The following DST variants were observed in gnomAD, a reference collection of about 807,000 sequenced individuals.
The protein encoded by DST is bullous pemphigoid antigen.
A neutral mutation model predicts 875.2 loss-of-function variants in DST; 253 were observed. That is an observed-to-expected ratio of 0.29 (90% confidence interval 0.26 to 0.32). The LOEUF is 0.32. DST is among the 10% of genes least tolerant of loss of function. The probability of loss-of-function intolerance (pLI) is 1.00; values close to 1 mark genes in which losing one functional copy is unlikely to be tolerated. For synonymous variants in DST, 3,124 were observed against 3,197.1 expected, an observed-to-expected ratio of 0.98 and a Z score of 0.77; for missense variants, 8,287 against 9,111.6, an observed-to-expected ratio of 0.91 and a Z score of 3.68.
intron 98 of DST, among the ~76,000 whole-genome samples, chr6:56,468,607 A>T (rs1314744487): frequency 6.6e-6 from 1 of 152,176 alleles, no homozygotes; most frequent in Non-Finnish European, 1.5e-5. Flanking sequence ...TGTCCTAAAC[A>T]GTTAAACACC....
At position 56,584,203 on chromosome 6, in the gene DST, T is replaced by C. The variant is rs578148750; in HGVS notation, c.12904-5266A>G. Among the ~76,000 whole-genome samples, 894 of 152,090 alleles carry C rather than the reference T, an allele frequency of 5.9e-3. 9 individuals carry two copies. The highest frequency in any genetic ancestry group is 0.021 in the African/African-American group (866 of 41,416). On this transcript the variant is annotated intron_variant, in intron 49 of 103. Coordinates refer to ENST00000680361, the MANE Select transcript of DST (RefSeq NM_001374736.1). ...TTGGGCAGTATGGCCATTTTCACGATATTGATTCTTCTTACCCATGAGCAT... is the reference window on the plus strand; with the variant it reads ...TTGGGCAGTATGGCCATTTTCACGACATTGATTCTTCTTACCCATGAGCAT...
intron 87 of DST, among the ~76,000 whole-genome samples, chr6:56,486,587 T>G (rs2095576683): frequency 1.3e-5 from 2 of 152,060 alleles, no homozygotes; most frequent in African/African-American, 4.8e-5. Flanking sequence ...GTCTTGGGTT[T>G]TCATGGAAAT....
chr6:56,606,694 T>G lies in DST; in HGVS notation c.7934A>C (p.Gln2645Pro), dbSNP rs1225682268. The stretch of plus-strand genomic sequence containing the variant: ...AGAAGCCGTCTCATCATTTTCCTCT[T>G]GCAGTGTGTCGTAGTCCTCAGGGTG... ...CLHPEDYDTL[Q>P]EENDETASPA... Residue 2645 changes from glutamine (Q) to proline (P), a missense_variant, in exon 40 of 104, where the codon CAA becomes CCA. By Grantham distance (76) the Gln-to-Pro change is moderately conservative (BLOSUM62 -1). Coordinates refer to ENST00000680361, the MANE Select transcript of DST (RefSeq NM_001374736.1). 6.2e-7 allele frequency: 1 copy of G among 1,613,604 alleles called. No individual in the cohort carries two copies. Among genetic ancestry groups the G allele is most frequent in the East Asian group, 2.2e-5 (1 of 44,876 alleles).
chr6:56,614,889 A>C (rs2098597339), intron 36 of DST: 9 of 992,942 alleles, frequency 9.1e-6, no homozygotes, highest in Non-Finnish European at 1.1e-5. Context: ...ACATGTAAGG[A>C]AAATACACAG....
chr6:56,905,087 C>T (rs1795790352), intron 2 of DST, among the ~76,000 whole-genome samples: 1 of 152,172 alleles, frequency 6.6e-6, no homozygotes, highest in African/African-American at 2.4e-5. Context: ...CATGCCCGGC[C>T]AATAAGAGTT....
At chr6:56,529,857 G>A (rs1308572384) in intron 65 of DST, 83 bp from the exon 66 acceptor site, 10 of 1,452,662 alleles carry the variant, frequency 6.9e-6, no homozygotes, top group Non-Finnish European at 9.2e-6. Context: ...ACTAAAGCAT[G>A]ACATGTTAAA....
At chr6:56,701,293 G>T (rs1464842169) in intron 8 of DST, among the ~76,000 whole-genome samples, 2 of 151,928 alleles carry the variant, frequency 1.3e-5, no homozygotes, top group African/African-American at 4.8e-5. Flanking sequence ...ACCAAGTCAA[G>T]ATCATATCCA....
intron 27 of DST, among the ~76,000 whole-genome samples, chr6:56,633,494 G>A (rs562257469): frequency 1.6e-3 from 240 of 151,514 alleles, no homozygotes; most frequent in Non-Finnish European, 1.7e-3. Context: ...CCAAAGTGCT[G>A]GGATTACAGG....
intron 9 of DST, among the ~76,000 whole-genome samples, chr6:56,698,958 T>C (rs1263006004): frequency 6.6e-6 from 1 of 152,086 alleles, no homozygotes; most frequent in African/African-American, 2.4e-5. Flanking sequence ...CATGCCCTTT[T>C]CCCCCTCCTT....
In DST at chr6:56,609,062, G is replaced by C. The variant is rs1441443921; in HGVS notation, c.5566C>G (p.Leu1856Val). ...ATCATGCTTTGAGCTAGAGCATCCA[G>C]TACTGGAATTGTGGTAGGTGACGCA... ...SAASPTTIPV[L>V]DALAQSMITE... Residue 1856 changes from leucine (L) to valine (V), a missense_variant, in exon 40 of 104, where the codon CTG (leucine) becomes GTG (valine). Around this residue, in one of 10 missense-constraint regions of DST, gnomAD observed 3,138 missense variants for 3,116.6 expected, o/e 1.01. Transcript: ENST00000680361. The C allele has an allele frequency of 1.9e-6, 3 of 1,613,870 alleles. No individual in the cohort carries two copies. Among genetic ancestry groups the C allele is most frequent in the Non-Finnish European group, 2.5e-6 (3 of 1,179,808 alleles).
rs2152468140 is a variant in DST at position 56,506,485 on chromosome 6, C to T, written c.19422G>A (p.Glu6474=). The change falls in exon 77 of 104, where the codon GAG becomes GAA. Residue 6474 remains glutamate, a synonymous_variant. Transcript: ENST00000680361. ...KAWKDRIDKL[E]EAMQAAVQYQ... is the part of the protein sequence containing the mutation. ...ACTGAACGGCAGCCTGCATTGCCTCCTCAAGTTTGTCAATCCGGTCTTTCC... is the reference window on the plus strand; with the variant it reads ...ACTGAACGGCAGCCTGCATTGCCTCTTCAAGTTTGTCAATCCGGTCTTTCC... 6.2e-7 allele frequency: 1 copy of T among 1,613,198 alleles called. No homozygotes were observed. Among genetic ancestry groups the T allele is most frequent in the East Asian group, 2.2e-5 (1 of 44,852 alleles).
rs567315452 is a variant in DST, at chr6:56,752,219, G to T, written c.626-16930C>A. Among the ~76,000 whole-genome samples the T allele has an allele frequency of 2.6e-5, 4 of 151,996 alleles. No homozygotes were observed. The South Asian group carries it at 8.3e-4, about 32-fold the overall frequency. On this transcript the variant is annotated intron_variant, in intron 4 of 103. Transcript: ENST00000680361. Reference sequence around the variant, plus strand: ...ACAAAAAGGCATCATGAGTCATCCTGTCTTAGTCCAATGGGAGACAGACTA... The same window carrying T: ...ACAAAAAGGCATCATGAGTCATCCTTTCTTAGTCCAATGGGAGACAGACTA...
At chr6:56,900,282 ATGAGTAC>A in intron 3 of DST, 132 bp downstream of exon 3, 1 of 639,266 alleles carries the variant, frequency 1.6e-6, no homozygotes, top group Non-Finnish European at 2.4e-6. Flanking sequence ...TGAAACTCAT[ATGAGTAC>A]GCTGCCACTT....
chr6:56,624,708 C>A, intron 35 of DST, 80 bp from the exon 36 acceptor site: 2 of 916,004 alleles, frequency 2.2e-6, no homozygotes, highest in Non-Finnish European at 3.5e-6. Context: ...ATAATAATTA[C>A]ATTAACTAGG....
At chr6:56,582,403 C>T (rs1288252483) in intron 49 of DST, among the ~76,000 whole-genome samples, 1 of 150,258 alleles carries the variant, frequency 6.7e-6, no homozygotes, top group East Asian at 1.9e-4. Context: ...ACCTCTCTCC[C>T]TCTCTCTCTC....
chr6:56,651,238 G>A lies in DST; in HGVS notation c.1221C>T (p.Asp407=). The A allele has an allele frequency of 1.3e-6, 2 of 1,592,634 alleles. No individual in the cohort carries two copies. The highest frequency in any genetic ancestry group is 1.7e-6 in the Non-Finnish European group (2 of 1,167,448). ...FNAIIHKYRP[D]LIDMNTVAVQ... The stretch of plus-strand genomic sequence containing the variant: ...CAGCAACAGTATTCATATCTATCAG[G>A]TCCGGCCTAGGAAAAAATTCACTGT... The change falls in exon 11 of 104, where the codon GAC becomes GAT. Residue 407 remains aspartate (D), a synonymous_variant. Coordinates refer to ENST00000680361, the MANE Select transcript of DST (RefSeq NM_001374736.1).
rs893756155 is a variant in DST at position 56,602,061 on chromosome 6, A to G, written c.11308-385T>C. ...ACAACATCCATGTAATTGTGGTAAG[A>G]TATAAATAATACTTTGAGGGATTTG... is the stretch of plus-strand genomic sequence containing the variant. On this transcript the variant is annotated intron_variant, in intron 43 of 103. Coordinates refer to ENST00000680361, the MANE Select transcript of DST (RefSeq NM_001374736.1). 3 of 390,222 alleles carry G rather than the reference A, an allele frequency of 7.7e-6. No homozygotes were observed. In the East Asian group the frequency reaches 2.5e-4, roughly 33 times the overall value. The allele number at this position is 390,222 out of a possible 1,614,324, so 24.2% of individuals were successfully genotyped here.
At chr6:56,693,383 G>C in intron 9 of DST, 1 of 1,117,432 alleles carries the variant, frequency 8.9e-7, no homozygotes, top group South Asian at 2.3e-5. Flanking sequence ...CTTATTTCTG[G>C]CCACCAATCC....
intron 3 of DST, among the ~76,000 whole-genome samples, chr6:56,886,034 G>C (rs1298442595): frequency 6.6e-6 from 1 of 152,162 alleles, no homozygotes; most frequent in African/African-American, 2.4e-5. Context: ...GATAGTATTA[G>C]ACCAAAGTGG....
Sources: allele counts gnomAD v4.1 joint callset (sites outside exome capture counted in the v4.1 genomes callset), GRCh38; gene constraint gnomAD v4.1.1; regional missense constraint gnomAD v4.1.1; transcripts MANE v1.5; gene names NCBI Gene and HGNC (gene_info 2026-07-23, HGNC 2026-07-21).